The following MOSMO variants were observed in gnomAD, a reference collection of about 807,000 sequenced individuals.
The protein encoded by MOSMO is modulator of smoothened protein.
MOSMO carries 5 observed loss-of-function variants against 18.4 expected under a neutral mutation model. The observed-to-expected ratio is 0.27, with a 90% confidence interval of 0.14 to 0.57. The LOEUF (loss-of-function observed/expected upper bound fraction) is 0.57. Ranked by LOEUF, MOSMO falls within the 20% of genes least tolerant of loss-of-function variation. MOSMO has a pLI of 0.92. For missense variants in MOSMO, 138 were observed against 211.8 expected (o/e 0.65, Z 2.16); for synonymous variants, 82 against 82.3 (o/e 1.00, Z 0.02).
Position 22,080,833 on chromosome 16 carries a change from A to G in MOSMO, c.457A>G (p.Thr153Ala), listed in dbSNP as rs1901064726. 1.4e-6 allele frequency: 2 copies of G among 1,466,390 alleles called. No homozygotes were observed. Among genetic ancestry groups the G allele is most frequent in the Admixed American group, 2.6e-5 (1 of 38,298 alleles). 90.8% of individuals were successfully genotyped at this position (1,466,390 alleles called of 1,614,324 possible). ...YVLFVLSIFF[T>A]IVGLLFAGKV... ...ACTTTTTGTCTTATCAATTTTCTTT[A>G]CAATAGTAGGACTTCTATTTGCTGG... The change falls in exon 3 of 3, where the codon ACA (threonine) becomes GCA (alanine). Residue 153 changes from threonine (T) to alanine (A), a missense_variant. Transcript: ENST00000542527.
chr16:22,052,951 CTTTTTTTTTT>C (rs1198266671), intron 1 of MOSMO, among the ~76,000 whole-genome samples: 2 of 124,110 alleles, frequency 1.6e-5, no homozygotes, highest in Non-Finnish European at 3.4e-5. Flanking sequence ...CTCTCATCTT[CTTTTTTTTTT>C]TTTTTTTTTT....
chr16:22,025,805 C>T (rs891675379), intron 1 of MOSMO, among the ~76,000 whole-genome samples: 2 of 152,168 alleles, frequency 1.3e-5, no homozygotes, highest in Admixed American at 6.5e-5. Context: ...ATTTACCTGG[C>T]ATTAAATGAT....
At chr16:22,075,761 G>A (rs1900955123) in intron 2 of MOSMO, 62 bp downstream of exon 2, 1 of 1,227,924 alleles carries the variant, frequency 8.1e-7, no homozygotes, top group South Asian at 1.3e-5. Context: ...GTATTTTTAT[G>A]AAGATAATCA....
At chr16:22,073,817 C>T (rs947657718) in intron 1 of MOSMO, among the ~76,000 whole-genome samples, 2 of 151,612 alleles carry the variant, frequency 1.3e-5, no homozygotes, top group Admixed American at 1.3e-4. Flanking sequence ...ACTTTCTGTC[C>T]GGTCTGCCTT....
chr16:22,063,595 G>T (rs1209264016), intron 1 of MOSMO, among the ~76,000 whole-genome samples: 1 of 152,178 alleles, frequency 6.6e-6, no homozygotes, highest in Non-Finnish European at 1.5e-5. Context: ...TTCAGACAAA[G>T]ATATTGGGAT....
chr16:22,072,007 G>T (rs1900862039), intron 1 of MOSMO, among the ~76,000 whole-genome samples: 1 of 152,068 alleles, frequency 6.6e-6, no homozygotes, highest in African/African-American at 2.4e-5. Context: ...GCCATTTTGG[G>T]GTTTCCAGTG....
chr16:22,061,130 G>A (rs1275082052), intron 1 of MOSMO, among the ~76,000 whole-genome samples: 2 of 152,126 alleles, frequency 1.3e-5, no homozygotes. Flanking sequence ...GATCTACCTT[G>A]GGAGCTTGGG....
intron 1 of MOSMO, among the ~76,000 whole-genome samples, chr16:22,035,190 T>C (rs1900083266): frequency 6.6e-6 from 1 of 152,100 alleles, no homozygotes; most frequent in Admixed American, 6.5e-5. Context: ...AGTGAGCCTG[T>C]GCCCTGGGCT....
At chr16:22,026,030 G>A (rs1173730083) in intron 1 of MOSMO, among the ~76,000 whole-genome samples, 1 of 151,852 alleles carries the variant, frequency 6.6e-6, no homozygotes, top group Non-Finnish European at 1.5e-5. Flanking sequence ...GCTTTCCTAA[G>A]GGGTATTTGA....
At chr16:22,068,080 G>A (rs969553369) in intron 1 of MOSMO, among the ~76,000 whole-genome samples, 10 of 152,114 alleles carry the variant, frequency 6.6e-5, no homozygotes, top group African/African-American at 2.4e-4. Flanking sequence ...CAATATTTTG[G>A]ATCCACATAA....
chr16:22,038,704 A>G (rs1023739995), intron 1 of MOSMO, among the ~76,000 whole-genome samples: 2 of 152,194 alleles, frequency 1.3e-5, no homozygotes, highest in African/African-American at 2.4e-5. Context: ...TTGAAAAGCT[A>G]CTGTACAGAA....
At chr16:22,050,917 T>G (rs1270789060) in intron 1 of MOSMO, among the ~76,000 whole-genome samples, 1 of 149,820 alleles carries the variant, frequency 6.7e-6, no homozygotes, top group Non-Finnish European at 1.5e-5. Flanking sequence ...TGAATGCTGC[T>G]GAGGTTGAGA....
chr16:22,028,603 T>C (rs1899927468), intron 1 of MOSMO, among the ~76,000 whole-genome samples: 1 of 152,174 alleles, frequency 6.6e-6, no homozygotes, highest in African/African-American at 2.4e-5. Flanking sequence ...AAACATCTGA[T>C]GGGTGTTTAC....
At position 22,081,084 on chromosome 16, in the gene MOSMO, A is replaced by C. The variant is rs1478095952; in HGVS notation, c.*204A>C. 3.8e-6 allele frequency: 1 copy of C among 265,144 alleles called. No individual in the cohort carries two copies. The highest frequency in any genetic ancestry group is 7.0e-6 in the Non-Finnish European group (1 of 142,470). The allele number at this position is 265,144 out of a possible 1,614,324, so 16.4% of individuals were successfully genotyped here. A position where few individuals can be genotyped will look rare whatever the true frequency, so the allele number is the denominator to read the frequency against. On this transcript the variant is annotated 3_prime_UTR_variant, in exon 3 of 3. Transcript: ENST00000542527. ...GGATTTAAAAAAAAAAAAAAAAAGG[A>C]GAGCCTTTTCCATAACCAAATACAG...
intron 1 of MOSMO, among the ~76,000 whole-genome samples, chr16:22,054,040 T>C (rs912964442): frequency 1.3e-5 from 2 of 152,140 alleles, no homozygotes; most frequent in African/African-American, 4.8e-5. Context: ...ATTTCTAACC[T>C]TGATGACTTT....
chr16:22,024,941 G>A (rs780024246), intron 1 of MOSMO, among the ~76,000 whole-genome samples: 1 of 151,982 alleles, frequency 6.6e-6, no homozygotes, highest in African/African-American at 2.4e-5. Context: ...CCTGAGCCCA[G>A]GAGTTTGAGA....
chr16:22,089,333 C>T (rs2141799863), downstream of MOSMO, among the ~76,000 whole-genome samples: 1 of 152,260 alleles, frequency 6.6e-6, no homozygotes, highest in East Asian at 1.9e-4. Context: ...CTCCAAAGTG[C>T]TGGGATTACA....
intron 1 of MOSMO, among the ~76,000 whole-genome samples, chr16:22,031,018 G>T (rs1165518241): frequency 1.3e-5 from 2 of 152,212 alleles, no homozygotes; most frequent in Non-Finnish European, 2.9e-5. Context: ...TCAGTAAGAA[G>T]AGTGCTAAAA....
At chr16:22,061,325 G>T (rs997754335) in intron 1 of MOSMO, among the ~76,000 whole-genome samples, 34 of 152,314 alleles carry the variant, frequency 2.2e-4, no homozygotes, top group African/African-American at 8.2e-4. Context: ...AGGGTTATCA[G>T]AAGCCTTTTA....
Sources: gnomAD v4.1 joint callset for allele counts (sites outside exome capture counted in the v4.1 genomes callset) on GRCh38, gnomAD v4.1.1 for gene constraint, MANE v1.5 for transcripts, NCBI Gene and HGNC (gene_info 2026-07-23, HGNC 2026-07-21) for gene names.